The following CTNNA2 variants were observed in gnomAD, a reference collection of about 807,000 sequenced individuals.
CTNNA2 encodes the protein catenin alpha-2.
Under a neutral mutation model 101.0 loss-of-function variants are expected in CTNNA2, and 42 were observed. The observed-to-expected ratio is 0.42, with a 90% CI of 0.32 to 0.54. The LOEUF (loss-of-function observed/expected upper bound fraction) is 0.54. Ranked by LOEUF, CTNNA2 falls within the 20% of genes least tolerant of loss-of-function variation. The pLI, the probability that CTNNA2 is intolerant of heterozygous loss-of-function variation, is 0.14. For synonymous variants in CTNNA2, 450 were observed against 456.4 expected (o/e 0.99, Z 0.18); for missense variants, 871 against 1,223.1 (o/e 0.71, Z 4.29).
intron 2 of CTNNA2, among the ~76,000 whole-genome samples, chr2:79,209,203 A>G (rs768891736): frequency 1.3e-5 from 2 of 152,216 alleles, no homozygotes; most frequent in Non-Finnish European, 2.9e-5. Context: ...TTTTAAAAGC[A>G]TACCAATATA....
chr2:79,593,966 G>GCCA (rs375295639), intron 1 of CTNNA2, among the ~76,000 whole-genome samples: 275 of 124,544 alleles, frequency 2.2e-3, no homozygotes, highest in African/African-American at 7.8e-3. Flanking sequence ...TCAGCTCATT[G>GCCA]CCACCTCGGC....
At chr2:79,349,942 C>T (rs6729999) in intron 3 of CTNNA2, among the ~76,000 whole-genome samples, 19,291 of 151,560 alleles carry the variant, frequency 0.13, 1,376 homozygotes, top group Middle Eastern at 0.2. Flanking sequence ...GGCGTGGTGG[C>T]GGGCGCCTGT....
At chr2:80,273,075 C>T (rs1457711432) in intron 7 of CTNNA2, among the ~76,000 whole-genome samples, 7 of 152,120 alleles carry the variant, frequency 4.6e-5, no homozygotes. Context: ...GTTCCCTGTA[C>T]TCACACGCCT....
chr2:79,678,060 C>A (rs1683303518), intron 2 of CTNNA2, among the ~76,000 whole-genome samples: 1 of 152,126 alleles, frequency 6.6e-6, no homozygotes, highest in African/African-American at 2.4e-5. Flanking sequence ...GGTGGTGATT[C>A]TTTAAGGTCT....
chr2:80,432,808 T>G (rs1324727331), intron 9 of CTNNA2, among the ~76,000 whole-genome samples: 1 of 152,126 alleles, frequency 6.6e-6, no homozygotes, highest in East Asian at 1.9e-4. Flanking sequence ...TTTTATTACT[T>G]AATTTTTTTT....
intron 1 of CTNNA2, among the ~76,000 whole-genome samples, chr2:79,534,602 G>C (rs1417812355): frequency 6.6e-6 from 1 of 151,398 alleles, no homozygotes; most frequent in African/African-American, 2.4e-5. Context: ...AAGATTTATA[G>C]ATAATTTTTG....
chr2:79,941,328 A>C (rs1316282739), intron 7 of CTNNA2, among the ~76,000 whole-genome samples: 1 of 152,198 alleles, frequency 6.6e-6, no homozygotes, highest in African/African-American at 2.4e-5. Context: ...AGATTGCATC[A>C]ATCTGGACTC....
At chr2:79,589,054 G>A (rs1676679961) in intron 1 of CTNNA2, among the ~76,000 whole-genome samples, 1 of 152,204 alleles carries the variant, frequency 6.6e-6, no homozygotes, top group South Asian at 2.1e-4. Flanking sequence ...GGGCAATGGT[G>A]TGAAACAGTC....
chr2:79,344,860 T>A (rs1416880836), intron 3 of CTNNA2, among the ~76,000 whole-genome samples: 1 of 144,852 alleles, frequency 6.9e-6, no homozygotes, highest in African/African-American at 2.5e-5. Context: ...ATATATATAA[T>A]ATATTATATT....
At position 80,138,270 on chromosome 2, in the gene CTNNA2, T is replaced by TGG. The variant is rs1247672486; in HGVS notation, c.1056+228473_1056+228474insGG. The stretch of plus-strand genomic sequence containing the variant: ...TCACCTCTAATAAGAACATCAACCT[T>TGG]CTTGGGGTGGAAAAAAAGGCAGTTA... On this transcript the variant is annotated intron_variant, in intron 7 of 18. Coordinates refer to ENST00000402739, the MANE Select transcript of CTNNA2 (RefSeq NM_001282597.3). Among the ~76,000 whole-genome samples the TGG allele has an allele frequency of 2.0e-5, 3 of 152,076 alleles. 1 individual carries two copies. In the East Asian group the frequency reaches 5.8e-4, roughly 29 times the overall value.
At chr2:79,653,751 T>C (rs1226607142) in intron 2 of CTNNA2, among the ~76,000 whole-genome samples, 2 of 152,162 alleles carry the variant, frequency 1.3e-5, no homozygotes, top group African/African-American at 4.8e-5. Context: ...TTCATCTTTT[T>C]CCTCTCACAT....
At chr2:80,279,862 T>A (rs1028724828) in intron 7 of CTNNA2, among the ~76,000 whole-genome samples, 59 of 152,144 alleles carry the variant, frequency 3.9e-4, no homozygotes, top group East Asian at 1.2e-3. Context: ...CAGGCTTTTT[T>A]AAAAAAATTT....
intron 7 of CTNNA2, among the ~76,000 whole-genome samples, chr2:80,254,076 A>G (rs1671961055): frequency 6.6e-6 from 1 of 152,136 alleles, no homozygotes; most frequent in South Asian, 2.1e-4. Flanking sequence ...CCTCTGGTAT[A>G]CAGGTTATGA....
chr2:79,779,440 C>G (rs938330228), intron 3 of CTNNA2, among the ~76,000 whole-genome samples: 3 of 152,164 alleles, frequency 2.0e-5, no homozygotes, highest in Non-Finnish European at 4.4e-5. Flanking sequence ...GAATCTACTG[C>G]CTGCCTAGAG....
chr2:79,253,536 T>C lies in CTNNA2; in HGVS notation c.-406+55460T>C, dbSNP rs1488964290. On this transcript the variant is annotated intron_variant, in intron 2 of 21. Coordinates refer to the CTNNA2 transcript ENST00000466387. ...CAAACAGCTTGACTTATATTACTGT[T>C]CTGGTAGGCTGCCAGGAACCCCAAA... Among the ~76,000 whole-genome samples, 4 of 152,210 alleles carry C rather than the reference T, an allele frequency of 2.6e-5. No homozygotes were observed. The East Asian group carries it at 7.7e-4, about 29-fold the overall frequency.
intron 7 of CTNNA2, among the ~76,000 whole-genome samples, chr2:80,033,198 A>T (rs1268488936): frequency 6.6e-6 from 1 of 151,786 alleles, no homozygotes; most frequent in South Asian, 2.1e-4. Context: ...AAAAAACAAC[A>T]ACACAAAAAC....
At chr2:80,113,133 A>G (rs1263751462) in intron 7 of CTNNA2, among the ~76,000 whole-genome samples, 1 of 152,184 alleles carries the variant, frequency 6.6e-6, no homozygotes, top group East Asian at 1.9e-4. Flanking sequence ...CCCAAGAGGA[A>G]AGACAAGGAA....
intron 7 of CTNNA2, among the ~76,000 whole-genome samples, chr2:80,020,684 A>G (rs1379084799): frequency 1.3e-5 from 2 of 152,194 alleles, no homozygotes; most frequent in Non-Finnish European, 2.9e-5. Context: ...CAATTTCTAA[A>G]TAAAGGGTTT....
At chr2:79,290,083 C>T (rs887335285) in intron 2 of CTNNA2, among the ~76,000 whole-genome samples, 1 of 152,142 alleles carries the variant, frequency 6.6e-6, no homozygotes, top group Non-Finnish European at 1.5e-5. Flanking sequence ...TTGCATGACC[C>T]TAAGAGTGAG....
Sources: allele counts gnomAD v4.1 joint callset (sites outside exome capture counted in the v4.1 genomes callset), GRCh38; gene constraint gnomAD v4.1.1; transcripts MANE v1.5; gene names NCBI Gene and HGNC (gene_info 2026-07-23, HGNC 2026-07-21).